MSR1: variants seen among roughly 807,000 people sequenced by gnomAD.
MSR1 encodes the protein macrophage scavenger receptor types I and II.
Under a neutral mutation model 47.2 loss-of-function variants are expected in MSR1, and 53 were observed. The ratio of observed to expected loss-of-function variants is 1.12; its 90% CI spans 0.90 to 1.41. The LOEUF is 1.41. Ranked by LOEUF, MSR1 falls within the 40% of genes most tolerant of loss-of-function variation. The probability of loss-of-function intolerance (pLI) is 0.00; values close to 1 mark genes in which losing one functional copy is unlikely to be tolerated. For synonymous variants in MSR1, 239 were observed against 185.6 expected, an observed-to-expected ratio of 1.29 and a Z score of -2.34; for missense variants, 786 against 546.9, an observed-to-expected ratio of 1.44 and a Z score of -4.36.
chr8:16,138,006 AG>A (rs1189434837), intron 8 of MSR1, among the ~76,000 whole-genome samples: 3 of 151,102 alleles, frequency 2.0e-5, no homozygotes, highest in South Asian at 2.1e-4. Context: ...AAAAAGATAA[AG>A]GAAAAAAAAA....
rs1444766023 is a variant in MSR1 at position 16,108,721 on chromosome 8, C to A, written c.*1364G>T. On this transcript the variant is annotated 3_prime_UTR_variant, in exon 10 of 10. Transcript: ENST00000262101. ...ATGATAAAAATGCATTTTCAGTAGG[C>A]TGTTTACAGTAATTCCAATTCCAAG... 6.6e-6 allele frequency: 1 copy of A among 152,024 alleles called. No individual in the cohort carries two copies. The highest frequency in any genetic ancestry group is 2.4e-5 in the African/African-American group (1 of 41,396). 9.4% of individuals were successfully genotyped at this position (152,024 alleles called of 1,614,324 possible). A position where few individuals can be genotyped will look rare whatever the true frequency, so the allele number is the denominator to read the frequency against.
At chr8:16,133,041 T>C (rs916247645) in intron 8 of MSR1, among the ~76,000 whole-genome samples, 15 of 152,172 alleles carry the variant, frequency 9.9e-5, no homozygotes, top group African/African-American at 3.6e-4. Context: ...GTAGTTTTTG[T>C]TGTTAGTTTT....
chr8:16,120,181 T>C (rs35924972), intron 9 of MSR1, among the ~76,000 whole-genome samples: 6,502 of 151,728 alleles, frequency 0.043, 461 homozygotes, highest in African/African-American at 0.15. Context: ...ATCGAGACCA[T>C]CCTGGCTAAC....
At chr8:16,171,139 G>C (rs372401437) in intron 3 of MSR1, among the ~76,000 whole-genome samples, 100 of 148,498 alleles carry the variant, frequency 6.7e-4, no homozygotes, top group African/African-American at 2.4e-3. Context: ...CAGGAGAATT[G>C]CTTGAGCCCG....
intron 1 of MSR1, among the ~76,000 whole-genome samples, chr8:16,180,555 A>G (rs186049245): frequency 6.6e-6 from 1 of 152,296 alleles, no homozygotes; most frequent in Admixed American, 6.5e-5. Flanking sequence ...TAAAGCCAAC[A>G]TCTTCTGATC....
chr8:16,150,263 C>A lies in MSR1; in HGVS notation c.947G>T (p.Ser316Ile). 1.9e-6 allele frequency: 3 copies of A among 1,565,366 alleles called. No individual in the cohort carries two copies. The highest frequency in any genetic ancestry group is 2.6e-6 in the Non-Finnish European group (3 of 1,152,884). The change falls in exon 7 of 10, where the codon AGT (serine) becomes ATT (isoleucine). Residue 316 changes from serine (S) to isoleucine (I), a missense_variant. Transcript: ENST00000262101. ...TCCGGCATATCCTGGGAGTCCTCGA[C>A]TTCCAGGAAAGCCAATTGCTCCCCG... ...GDRGAIGFPG[S>I]RGLPGYAGRP...
intron 8 of MSR1, among the ~76,000 whole-genome samples, chr8:16,129,288 C>T (rs967354051): frequency 6.6e-6 from 1 of 152,058 alleles, no homozygotes; most frequent in Non-Finnish European, 1.5e-5. Context: ...CAATGTTTTA[C>T]TTTGGCATGG....
intron 8 of MSR1, chr8:16,140,851 C>A: frequency 6.3e-7 from 1 of 1,578,046 alleles, no homozygotes; most frequent in Non-Finnish European, 8.6e-7. Flanking sequence ...GAGAGAAGGC[C>A]ATGTGGAAGT....
chr8:16,162,737 G>C (rs1045928344), intron 5 of MSR1, among the ~76,000 whole-genome samples: 5 of 151,968 alleles, frequency 3.3e-5, no homozygotes, highest in Non-Finnish European at 5.9e-5. Context: ...ACCAAGGTTA[G>C]AGTGGGTTAA....
intron 1 of MSR1, among the ~76,000 whole-genome samples, chr8:16,191,285 AG>A (rs1160751800): frequency 6.6e-6 from 1 of 152,206 alleles, no homozygotes; most frequent in East Asian, 1.9e-4. Context: ...CAAAGAAGAA[AG>A]AGCATCAACT....
intron 5 of MSR1, among the ~76,000 whole-genome samples, chr8:16,163,138 G>C (rs1195219475): frequency 6.6e-6 from 1 of 151,882 alleles, no homozygotes; most frequent in Non-Finnish European, 1.5e-5. Context: ...TCTGAAACCT[G>C]TTTGGTAATT....
intron 3 of MSR1, among the ~76,000 whole-genome samples, chr8:16,174,194 G>C (rs932983889): frequency 4.6e-5 from 7 of 152,080 alleles, no homozygotes; most frequent in Non-Finnish European, 1.0e-4. Context: ...CTCTGTCTTG[G>C]AATACTTCCT....
chr8:16,189,421 TATATAAAATC>T (rs1305940198), intron 1 of MSR1, among the ~76,000 whole-genome samples: 2 of 97,414 alleles, frequency 2.1e-5, no homozygotes, highest in Non-Finnish European at 3.5e-5. Context: ...ATATTTTATA[TATATAAAATC>T]ATATTTTATA....
chr8:16,108,869 A>C lies in MSR1; in HGVS notation c.*1216T>G, dbSNP rs1214247245. Reference sequence around the variant, plus strand: ...GCTTTCATTTGCCACTATTAAAGAAAGAACAGTAGAGTAATTCCATAATAG... The same window carrying C: ...GCTTTCATTTGCCACTATTAAAGAACGAACAGTAGAGTAATTCCATAATAG... On this transcript the variant is annotated 3_prime_UTR_variant, in exon 10 of 10. Coordinates refer to ENST00000262101, the MANE Select transcript of MSR1 (RefSeq NM_138715.3). The C allele has an allele frequency of 6.6e-6, 1 of 152,130 alleles. No homozygotes were observed. The highest frequency in any genetic ancestry group is 2.4e-5 in the African/African-American group (1 of 41,440). 9.4% of individuals were successfully genotyped at this position (152,130 alleles called of 1,614,324 possible).
At chr8:16,187,826 A>C (rs2116941215) in intron 1 of MSR1, among the ~76,000 whole-genome samples, 1 of 152,286 alleles carries the variant, frequency 6.6e-6, no homozygotes, top group East Asian at 1.9e-4. Context: ...AAACTGAAAC[A>C]AAAAATATTA....
chr8:16,186,896 T>G (rs1049157186), intron 1 of MSR1, among the ~76,000 whole-genome samples: 1 of 152,092 alleles, frequency 6.6e-6, no homozygotes, highest in Non-Finnish European at 1.5e-5. Context: ...ATTACACACA[T>G]GAGCTATTGA....
In MSR1 at chr8:16,109,816, G is replaced by C; in HGVS notation, c.*269C>G. 1 of 439,168 alleles carries C rather than the reference G, an allele frequency of 2.3e-6. No homozygotes were observed. The highest frequency in any genetic ancestry group is 4.1e-6 in the Non-Finnish European group (1 of 243,996). 27.2% of individuals were successfully genotyped at this position (439,168 alleles called of 1,614,324 possible). A position where few individuals can be genotyped will look rare whatever the true frequency, so the allele number is the denominator to read the frequency against. ...TATTACCCTTGGCCTTTGTAATCTGGAAGCTATAAACTTCAAAATGTTCAA... is the reference window on the plus strand; with the variant it reads ...TATTACCCTTGGCCTTTGTAATCTGCAAGCTATAAACTTCAAAATGTTCAA... On this transcript the variant is annotated 3_prime_UTR_variant, in exon 10 of 10. Coordinates refer to ENST00000262101, the MANE Select transcript of MSR1 (RefSeq NM_138715.3).
intron 8 of MSR1, among the ~76,000 whole-genome samples, chr8:16,142,491 G>A (rs1800586091): frequency 1.3e-5 from 2 of 152,170 alleles, no homozygotes; most frequent in East Asian, 1.9e-4. Context: ...AAAGTACTCC[G>A]AAGACACACA....
At chr8:16,159,405 T>C (rs1344320125) in intron 5 of MSR1, among the ~76,000 whole-genome samples, 1 of 151,922 alleles carries the variant, frequency 6.6e-6, no homozygotes, top group African/African-American at 2.4e-5. Flanking sequence ...CACAATGAAA[T>C]TTTATGTAGT....
Sources: allele counts gnomAD v4.1 joint callset (sites outside exome capture counted in the v4.1 genomes callset), GRCh38; gene constraint gnomAD v4.1.1; transcripts MANE v1.5; gene names NCBI Gene and HGNC (gene_info 2026-07-23, HGNC 2026-07-21).